The following CNIH3 variants were observed in gnomAD, a reference collection of about 807,000 sequenced individuals.
The protein encoded by CNIH3 is protein cornichon homolog 3.
In CNIH3, 14 loss-of-function variants were observed where a neutral mutation model predicts 24.1. The observed-to-expected ratio is 0.58, with a 90% CI of 0.38 to 0.91. The LOEUF (loss-of-function observed/expected upper bound fraction) is 0.91. Ranked by LOEUF, CNIH3 falls within the 40% of genes least tolerant of loss-of-function variation. The probability of loss-of-function intolerance (pLI) is 0.00; values close to 1 mark genes in which losing one functional copy is unlikely to be tolerated. For synonymous variants in CNIH3, 68 were observed against 73.8 expected, an observed-to-expected ratio of 0.92 and a Z score of 0.40; for missense variants, 178 against 196.8, an observed-to-expected ratio of 0.90 and a Z score of 0.57.
At chr1:224,645,368 C>T (rs538744258) in intron 1 of CNIH3, among the ~76,000 whole-genome samples, 3 of 152,372 alleles carry the variant, frequency 2.0e-5, no homozygotes, top group South Asian at 4.1e-4. Context: ...GGGCAATCCC[C>T]AGAGAAGCGC....
intron 1 of CNIH3, among the ~76,000 whole-genome samples, chr1:224,509,771 GC>G (rs1333319958): frequency 1.3e-5 from 2 of 152,210 alleles, no homozygotes; most frequent in Admixed American, 1.3e-4. Context: ...GCACCTCTGT[GC>G]CCCCCTCGCC....
chr1:224,524,079 A>G (rs1029148431), intron 2 of CNIH3, among the ~76,000 whole-genome samples: 5 of 152,244 alleles, frequency 3.3e-5, no homozygotes, highest in Non-Finnish European at 7.3e-5. Context: ...GAAAACTCCC[A>G]GCATGATTAA....
At chr1:224,645,251 T>C (rs954057599) in intron 1 of CNIH3, among the ~76,000 whole-genome samples, 1 of 152,166 alleles carries the variant, frequency 6.6e-6, no homozygotes, top group African/African-American at 2.4e-5. Context: ...CTCTGCCCCC[T>C]CTCTCCTATG....
At chr1:224,650,059 C>G (rs901745415) in intron 1 of CNIH3, among the ~76,000 whole-genome samples, 1 of 152,168 alleles carries the variant, frequency 6.6e-6, no homozygotes, top group Non-Finnish European at 1.5e-5. Context: ...TACAAAAATG[C>G]TCTTCCTCAG....
In CNIH3 at chr1:224,650,914, AC is replaced by A. The variant is rs573006870; in HGVS notation, c.82-30043del. ...TTGGGCAAGGGAAAATGAGCTGAGT[AC>A]AGAGCCCAGGTGCTCAGCGTGGACA... On this transcript the variant is annotated intron_variant, in intron 1 of 5. Transcript: ENST00000272133. Among the ~76,000 whole-genome samples the A allele has an allele frequency of 1.4e-4, 22 of 152,284 alleles. No individual in the cohort carries two copies. The East Asian group carries it at 3.9e-3, about 27-fold the overall frequency.
Position 224,739,350 on chromosome 1 carries a change from C to A in CNIH3, c.477C>A (p.Ser159Arg), listed in dbSNP as rs139031381. 1.4e-6 allele frequency: 2 copies of A among 1,450,082 alleles called. No homozygotes were observed. The highest frequency in any genetic ancestry group is 1.9e-6 in the Non-Finnish European group (2 of 1,076,792). 89.8% of individuals were successfully genotyped at this position (1,450,082 alleles called of 1,614,324 possible). ...TCAGCATGATCTACACTTTAGTGAG[C>A]TCTTAACGCAAAGACCATGCACATC... is the stretch of plus-strand genomic sequence containing the variant. ...YLYCMIYTLV[S>R]S Residue 159 changes from serine to arginine, a missense_variant, in exon 6 of 6, where the codon AGC (serine) becomes AGA (arginine). By Grantham distance (110) the Ser-to-Arg change is moderately radical (BLOSUM62 -1). Coordinates refer to ENST00000272133, the MANE Select transcript of CNIH3 (RefSeq NM_152495.2).
chr1:224,633,883 G>A (rs1487873511), intron 1 of CNIH3, among the ~76,000 whole-genome samples: 1 of 152,224 alleles, frequency 6.6e-6, no homozygotes, highest in Non-Finnish European at 1.5e-5. Context: ...TTGTCACCTC[G>A]CCTGTATTCA....
rs527270055 is a variant in CNIH3, at chr1:224,556,883, G to T, written n.451-9316G>T. Reference sequence around the variant, plus strand: ...TATAAAATTGCTCTCTAGACCTTGTGTCCCAAAGACAACCCTCCCCTTTGC... The same window carrying T: ...TATAAAATTGCTCTCTAGACCTTGTTTCCCAAAGACAACCCTCCCCTTTGC... On this transcript the variant is annotated intron_variant and non_coding_transcript_variant, in intron 3 of 5. Coordinates refer to the CNIH3 transcript ENST00000471578. Among the ~76,000 whole-genome samples, 230 of 152,226 alleles carry T rather than the reference G, an allele frequency of 1.5e-3. 1 individual carries two copies. Among genetic ancestry groups the T allele is most frequent in the African/African-American group, 5.2e-3 (216 of 41,550 alleles).
intron 4 of CNIH3, chr1:224,574,494 T>C: frequency 1.5e-6 from 1 of 663,410 alleles, no homozygotes. Flanking sequence ...GCTAGGCACC[T>C]GGAATTCCCC....
At chr1:224,586,545 A>C (rs1218380864) in intron 5 of CNIH3, among the ~76,000 whole-genome samples, 1 of 152,180 alleles carries the variant, frequency 6.6e-6, no homozygotes, top group African/African-American at 2.4e-5. Flanking sequence ...ATATCAGGCC[A>C]GTACTTTGCT....
At chr1:224,468,899 G>A (rs2102993813) in intron 1 of CNIH3, among the ~76,000 whole-genome samples, 1 of 151,690 alleles carries the variant, frequency 6.6e-6, no homozygotes, top group East Asian at 1.9e-4. Context: ...CAGTCTTTCA[G>A]TCTTTCACCA....
intron 1 of CNIH3, chr1:224,435,102 G>C (rs1674589171): frequency 3.0e-6 from 3 of 985,676 alleles, no homozygotes; most frequent in Non-Finnish European, 3.6e-6. Context: ...GGATGGCAGA[G>C]TTGGCGTGCG....
At chr1:224,470,417 T>C (rs769687721) in intron 1 of CNIH3, among the ~76,000 whole-genome samples, 1 of 151,114 alleles carries the variant, frequency 6.6e-6, no homozygotes, top group Non-Finnish European at 1.5e-5. Flanking sequence ...TGGACTCAAG[T>C]GGTTCTCCTG....
intron 1 of CNIH3, chr1:224,435,122 C>T: frequency 4.1e-6 from 4 of 985,846 alleles, no homozygotes; most frequent in Non-Finnish European, 4.8e-6. Flanking sequence ...GTGCGTGAGT[C>T]CACCAGTGTG....
At chr1:224,702,012 G>T (rs1003934436) in intron 3 of CNIH3, among the ~76,000 whole-genome samples, 1 of 152,126 alleles carries the variant, frequency 6.6e-6, no homozygotes, top group Non-Finnish European at 1.5e-5. Flanking sequence ...AGCTGGGTTT[G>T]TATCCTCCCG....
chr1:224,444,879 G>A (rs542157330), intron 1 of CNIH3, among the ~76,000 whole-genome samples: 12 of 151,178 alleles, frequency 7.9e-5, no homozygotes, highest in East Asian at 1.9e-4. Context: ...TCCTGACCTC[G>A]TGATCCGCCC....
intron 1 of CNIH3, among the ~76,000 whole-genome samples, chr1:224,653,200 A>G (rs1285838293): frequency 6.6e-6 from 1 of 152,216 alleles, no homozygotes; most frequent in African/African-American, 2.4e-5. Flanking sequence ...AGGCAGGCGG[A>G]TCACTTGAGG....
At chr1:224,629,578 A>G (rs775361414) in intron 1 of CNIH3, among the ~76,000 whole-genome samples, 10 of 152,144 alleles carry the variant, frequency 6.6e-5, no homozygotes, top group Non-Finnish European at 1.3e-4. Context: ...CCTTTTGGCT[A>G]CAGTGGATAA....
intron 1 of CNIH3, among the ~76,000 whole-genome samples, chr1:224,476,854 A>G (rs1676607378): frequency 6.6e-6 from 1 of 152,246 alleles, no homozygotes; most frequent in Non-Finnish European, 1.5e-5. Context: ...AAGCTATCCT[A>G]AGCAAAAAGA....
Sources: gnomAD v4.1 joint callset for allele counts (sites outside exome capture counted in the v4.1 genomes callset) on GRCh38, gnomAD v4.1.1 for gene constraint, MANE v1.5 for transcripts, NCBI Gene and HGNC (gene_info 2026-07-23, HGNC 2026-07-21) for gene names.